Variants in PARVB observed in about 807,000 individuals in gnomAD.
PARVB encodes beta-parvin.
PARVB carries 46 observed loss-of-function variants against 47.0 expected under a neutral mutation model. That is an observed-to-expected ratio of 0.98 (90% CI 0.77 to 1.25). The LOEUF is 1.25. PARVB is among the 50% of genes most tolerant of loss of function. PARVB has a pLI of 0.00. For missense variants in PARVB, 473 were observed against 471.6 expected (o/e 1.00, Z -0.03); for synonymous variants, 196 against 196.3 (o/e 1.00, Z 0.01).
intron 1 of PARVB, among the ~76,000 whole-genome samples, chr22:44,027,873 G>T (rs1459183149): frequency 1.4e-5 from 2 of 147,152 alleles, no homozygotes; most frequent in Non-Finnish European, 3.0e-5. Context: ...GCTGCAGGCT[G>T]GTCAACAGAG....
rs370648748 is a variant in PARVB, at chr22:44,122,552, GAC to G, written c.376+3416_376+3417del. ...ACAGAGAGAGAGAGAGAGAGAGAGAGACACAGAGACAGAGAGAGAGAGAGAGA... is the reference window on the plus strand; with the variant it reads ...ACAGAGAGAGAGAGAGAGAGAGAGAGACAGAGACAGAGAGAGAGAGAGAGA... On this transcript the variant is annotated intron_variant, in intron 4 of 12. Transcript: ENST00000338758. Among the ~76,000 whole-genome samples, 57 of 71,574 alleles carry G rather than the reference GAC, an allele frequency of 8.0e-4. 3 individuals carry two copies. The highest frequency in any genetic ancestry group is 1.9e-3 in the African/African-American group (32 of 16,736). The allele number at this position is 71,574 out of a possible 152,430, so 47.0% of individuals were successfully genotyped here.
Position 44,085,748 on chromosome 22 carries a change from G to A in PARVB, c.113-8180G>A, listed in dbSNP as rs568670955. ...AAGTGACCAGGATACGTCTTCCCTC[G>A]GCTACACGCAGACTCTCCACGGTGC... On this transcript the variant is annotated intron_variant, in intron 1 of 12. Transcript: ENST00000338758. 2.5e-4 allele frequency among the ~76,000 whole-genome samples: 38 copies of A among 152,218 alleles called. 1 individual carries two copies. The South Asian group carries it at 7.3e-3, about 29-fold the overall frequency.
chr22:44,034,104 A>C (rs548427402), intron 1 of PARVB, among the ~76,000 whole-genome samples: 17 of 151,094 alleles, frequency 1.1e-4, no homozygotes, highest in African/African-American at 4.1e-4. Context: ...TACAAATAAA[A>C]ATATATAAAG....
At chr22:44,002,395 T>C (rs77337425) in intron 2 of PARVB, among the ~76,000 whole-genome samples, 3,528 of 152,322 alleles carry the variant, frequency 0.023, 138 homozygotes, top group African/African-American at 0.08. Flanking sequence ...ATGTAAATCA[T>C]ATTCACCTCC....
intron 2 of PARVB, among the ~76,000 whole-genome samples, chr22:44,011,651 A>T (rs575717393): frequency 6.6e-6 from 1 of 152,214 alleles, no homozygotes; most frequent in East Asian, 1.9e-4. Flanking sequence ...AATAAAATTT[A>T]AAAAATTGAG....
intron 2 of PARVB, among the ~76,000 whole-genome samples, chr22:44,010,102 G>A (rs771639407): frequency 2.6e-5 from 4 of 152,062 alleles, no homozygotes; most frequent in African/African-American, 4.8e-5. Flanking sequence ...CACTGCGCCC[G>A]TCCCCATATG....
rs767531817 is a variant in PARVB, at chr22:44,158,025, A to G, written c.887A>G (p.Glu296Gly). The part of the protein sequence containing the change: ...VYLVLLMGLL[E>G]DYFVPLHHFY... ...CTGGTTCTGCTCATGGGCCTTCTGGAAGACTACTTTGTTCCTCTCCACCAC... is the reference window on the plus strand; with the variant it reads ...CTGGTTCTGCTCATGGGCCTTCTGGGAGACTACTTTGTTCCTCTCCACCAC... The change falls in exon 11 of 13, where the codon GAA becomes GGA. Residue 296 changes from glutamate (E) to glycine (G), a missense_variant. Glu to Gly is a moderately conservative substitution (Grantham distance 98). Transcript: ENST00000338758. The G allele has an allele frequency of 1.2e-6, 2 of 1,614,092 alleles. No homozygotes were observed. The highest frequency in any genetic ancestry group is 4.5e-5 in the East Asian group (2 of 44,882).
chr22:44,087,723 C>A (rs1041635047), intron 1 of PARVB, among the ~76,000 whole-genome samples: 11 of 150,550 alleles, frequency 7.3e-5, no homozygotes, highest in African/African-American at 2.4e-4. Context: ...AAAAAAAAAT[C>A]AAAGATGGAA....
Position 44,158,089 on chromosome 22 carries a change from T to C in PARVB, c.945+6T>C. Reference sequence around the variant, plus strand: ...CGGAAAGCTTCGATCAGAAGGTATGTGCATGGTCTCCATCCTTGGTAGGGG... The same window carrying C: ...CGGAAAGCTTCGATCAGAAGGTATGCGCATGGTCTCCATCCTTGGTAGGGG... On this transcript the variant is annotated splice_donor_region_variant and intron_variant, in intron 11 of 12. Coordinates refer to ENST00000338758, the MANE Select transcript of PARVB (RefSeq NM_013327.5). 1.9e-6 allele frequency: 3 copies of C among 1,585,972 alleles called. No homozygotes were observed. Among genetic ancestry groups the C allele is most frequent in the Non-Finnish European group, 1.7e-6 (2 of 1,154,294 alleles).
At chr22:44,024,970 T>A (rs1051666854) in intron 1 of PARVB, among the ~76,000 whole-genome samples, 2 of 152,126 alleles carry the variant, frequency 1.3e-5, no homozygotes, top group African/African-American at 4.8e-5. Context: ...ATTAAAAATT[T>A]TTTTTTTTAA....
intron 1 of PARVB, chr22:44,081,756 C>T (rs887846977): frequency 1.1e-5 from 3 of 273,514 alleles, no homozygotes; most frequent in Non-Finnish European, 1.7e-5. Flanking sequence ...CTCGGAGGGG[C>T]GGTGACGGTG....
chr22:44,090,869 T>C (rs747258860), intron 1 of PARVB, among the ~76,000 whole-genome samples: 12 of 152,250 alleles, frequency 7.9e-5, no homozygotes, highest in Non-Finnish European at 1.6e-4. Context: ...GGCTATCATA[T>C]TCCCAAGGAT....
chr22:44,019,561 G>A (rs56874907), upstream of PARVB, among the ~76,000 whole-genome samples: 3,194 of 152,250 alleles, frequency 0.021, 127 homozygotes, highest in African/African-American at 0.073. Flanking sequence ...TGTCGCTCAC[G>A]GCTCTGCAGG....
chr22:44,004,111 C>T (rs1355109943), intron 2 of PARVB, among the ~76,000 whole-genome samples: 1 of 152,160 alleles, frequency 6.6e-6, no homozygotes, highest in Non-Finnish European at 1.5e-5. Flanking sequence ...AAATAAGTTC[C>T]ACCTTTTCTG....
intron 4 of PARVB, among the ~76,000 whole-genome samples, chr22:44,129,148 C>G (rs1181352486): frequency 6.6e-6 from 1 of 152,020 alleles, no homozygotes; most frequent in African/African-American, 2.4e-5. Context: ...GGCCCTAATT[C>G]AATATGTCTA....
chr22:44,160,610 C>T (rs2147175569), intron 11 of PARVB, among the ~76,000 whole-genome samples: 1 of 152,264 alleles, frequency 6.6e-6, no homozygotes, highest in East Asian at 1.9e-4. Flanking sequence ...TCAGGGGACA[C>T]TTCTCTGCCT....
chr22:44,021,808 CACACACACAG>C (rs1197122738), upstream of PARVB, among the ~76,000 whole-genome samples: 478 of 141,326 alleles, frequency 3.4e-3, 12 homozygotes, highest in African/African-American at 0.013. Flanking sequence ...CACACACACA[CACACACACAG>C]GGCCTAGTAG....
chr22:44,077,610 A>T (rs1403848113), intron 1 of PARVB, among the ~76,000 whole-genome samples: 1 of 152,104 alleles, frequency 6.6e-6, no homozygotes, highest in Non-Finnish European at 1.5e-5. Context: ...CCTGGCCAGG[A>T]TGTGACGGGG....
chr22:44,120,729 GT>G (rs2053026300), intron 4 of PARVB, among the ~76,000 whole-genome samples: 1 of 122,252 alleles, frequency 8.2e-6, no homozygotes, highest in African/African-American at 7.2e-5. Flanking sequence ...AGGCTGGAGT[GT>G]AGTGGGGTGA....
Sources: gnomAD v4.1 joint callset for allele counts (sites outside exome capture counted in the v4.1 genomes callset) on GRCh38, gnomAD v4.1.1 for gene constraint, MANE v1.5 for transcripts, NCBI Gene and HGNC (gene_info 2026-07-23, HGNC 2026-07-21) for gene names.